Variants in SHCBP1L observed in about 807,000 individuals in gnomAD.
SHCBP1L encodes SHC binding and spindle associated 1 like, also known as testicular spindle-associated protein SHCBP1L.
Under a neutral mutation model 62.5 loss-of-function variants are expected in SHCBP1L, and 67 were observed. The ratio of observed to expected loss-of-function variants is 1.07; its 90% confidence interval spans 0.88 to 1.31. The LOEUF (loss-of-function observed/expected upper bound fraction) is 1.31. Ranked by LOEUF, SHCBP1L falls within the 40% of genes most tolerant of loss-of-function variation. The pLI, the probability that SHCBP1L is intolerant of heterozygous loss-of-function variation, is 0.00. For missense variants in SHCBP1L, 823 were observed against 809.8 expected (o/e 1.02, Z -0.20); for synonymous variants, 284 against 289.4 (o/e 0.98, Z 0.19).
intron 1 of SHCBP1L, chr1:182,951,846 T>C (rs73033576): frequency 0.011 from 3,493 of 314,214 alleles, 124 homozygotes; most frequent in African/African-American, 0.075. Context: ...TTATCAGATA[T>C]GTATTTTCTA....
intron 5 of SHCBP1L, among the ~76,000 whole-genome samples, chr1:182,932,284 A>G (rs944229417): frequency 2.0e-5 from 3 of 152,132 alleles, no homozygotes; most frequent in Admixed American, 6.5e-5. Flanking sequence ...GTGTGAACAT[A>G]AGTTTCCAAC....
intron 6 of SHCBP1L, among the ~76,000 whole-genome samples, chr1:182,910,538 G>A (rs942761828): frequency 1.2e-4 from 18 of 152,214 alleles, no homozygotes; most frequent in South Asian, 8.3e-4. Context: ...GATGCCTAGC[G>A]CAAAGAACAC....
intron 2 of SHCBP1L, among the ~76,000 whole-genome samples, chr1:182,948,428 C>T (rs1235302276): frequency 6.6e-6 from 1 of 152,174 alleles, no homozygotes; most frequent in African/African-American, 2.4e-5. Flanking sequence ...AGGGGACTGC[C>T]TTTTTAGCCT....
intron 6 of SHCBP1L, among the ~76,000 whole-genome samples, chr1:182,925,660 A>G (rs572829090): frequency 1.3e-5 from 2 of 152,362 alleles, no homozygotes; most frequent in Admixed American, 6.5e-5. Flanking sequence ...CAGTTTGGCA[A>G]TTCCTCATAA....
intron 9 of SHCBP1L, among the ~76,000 whole-genome samples, chr1:182,901,050 A>G (rs1649817969): frequency 1.3e-5 from 2 of 152,214 alleles, no homozygotes. Flanking sequence ...TGGAGAAAAT[A>G]AGGTAATGTG....
chr1:182,915,996 C>A (rs892864122), intron 6 of SHCBP1L, among the ~76,000 whole-genome samples: 2 of 151,878 alleles, frequency 1.3e-5, no homozygotes, highest in Non-Finnish European at 2.9e-5. Flanking sequence ...TTAGTGGAGA[C>A]GGGGTTTCAC....
chr1:182,934,446 G>A (rs1318781321), intron 5 of SHCBP1L, among the ~76,000 whole-genome samples: 1 of 152,106 alleles, frequency 6.6e-6, no homozygotes, highest in East Asian at 1.9e-4. Context: ...GACAAATGAG[G>A]TTGAGCATCT....
intron 6 of SHCBP1L, among the ~76,000 whole-genome samples, chr1:182,919,111 C>T (rs1378907717): frequency 6.6e-6 from 1 of 152,142 alleles, no homozygotes; most frequent in Admixed American, 6.5e-5. Flanking sequence ...AGGTATGACA[C>T]AAAAGCATGA....
intron 6 of SHCBP1L, among the ~76,000 whole-genome samples, chr1:182,912,592 G>A (rs1426740562): frequency 6.6e-6 from 1 of 151,530 alleles, no homozygotes; most frequent in Non-Finnish European, 1.5e-5. Context: ...GCGCAATCTC[G>A]GTTCATTGCA....
chr1:182,924,765 AAAG>A lies in SHCBP1L; in HGVS notation c.1182+4879_1182+4881del, dbSNP rs1650645681. 1.8e-5 allele frequency among the ~76,000 whole-genome samples: 2 copies of A among 111,514 alleles called. 1 individual carries two copies. Among genetic ancestry groups the A allele is most frequent in the African/African-American group, 1.2e-4 (2 of 16,926 alleles). 73.2% of individuals were successfully genotyped at this position (111,514 alleles called of 152,430 possible). On this transcript the variant is annotated intron_variant, in intron 6 of 9. Coordinates refer to ENST00000367547, the MANE Select transcript of SHCBP1L (RefSeq NM_030933.4). ...GAAAGAAAGAAAGAAAGAAAGAAAG[AAAG>A]AAAGAAAGAAAGAAAGAAAGAGAGA...
intron 2 of SHCBP1L, among the ~76,000 whole-genome samples, chr1:182,949,553 C>T (rs1051602812): frequency 7.9e-5 from 12 of 151,704 alleles, no homozygotes; most frequent in African/African-American, 2.9e-4. Context: ...AAAAATTAGC[C>T]GGGTGTGGTG....
rs116127731 is a variant in SHCBP1L at position 182,936,065 on chromosome 1, C to A, written c.1076+3111G>T. Among the ~76,000 whole-genome samples, 1,466 of 151,118 alleles carry A rather than the reference C, an allele frequency of 9.7e-3. 27 individuals are homozygous for A. The highest frequency in any genetic ancestry group is 0.02 in the Middle Eastern group (6 of 294). On this transcript the variant is annotated intron_variant, in intron 5 of 9. Coordinates refer to ENST00000367547, the MANE Select transcript of SHCBP1L (RefSeq NM_030933.4). ...CTATTAATACAGAGGTTGCACTTGT[C>A]CTTTGTTTCCTTTTTCCCTTTCTTT... is the stretch of plus-strand genomic sequence containing the variant.
chr1:182,952,641 C>G, intron 1 of SHCBP1L, 88 bp downstream of exon 1: 2 of 1,439,142 alleles, frequency 1.4e-6, no homozygotes, highest in Non-Finnish European at 1.9e-6. Flanking sequence ...CTGTGGATCC[C>G]CATCCGCCTA....
intron 2 of SHCBP1L, among the ~76,000 whole-genome samples, chr1:182,947,888 G>A (rs1270587033): frequency 6.6e-6 from 1 of 152,076 alleles, no homozygotes; most frequent in African/African-American, 2.4e-5. Context: ...TGTTGCCCAG[G>A]TTAGTCTCAA....
At chr1:182,908,190 G>A (rs1463823732) in intron 6 of SHCBP1L, among the ~76,000 whole-genome samples, 1 of 137,950 alleles carries the variant, frequency 7.2e-6, no homozygotes, top group Non-Finnish European at 1.6e-5. Context: ...CATGTGCAGG[G>A]TTTACTATGT....
At chr1:182,944,962 T>C (rs999256367) in intron 2 of SHCBP1L, among the ~76,000 whole-genome samples, 54 of 144,120 alleles carry the variant, frequency 3.7e-4, no homozygotes, top group African/African-American at 1.2e-3. Context: ...TCTTTCTTTT[T>C]TTTTTTTTTT....
intron 5 of SHCBP1L, among the ~76,000 whole-genome samples, chr1:182,931,737 G>C (rs748143179): frequency 1.3e-5 from 2 of 151,984 alleles, no homozygotes; most frequent in Non-Finnish European, 1.5e-5. Flanking sequence ...TGGTACACTC[G>C]TTACAACCGA....
At chr1:182,922,458 G>C (rs2101934042) in intron 6 of SHCBP1L, among the ~76,000 whole-genome samples, 1 of 151,972 alleles carries the variant, frequency 6.6e-6, no homozygotes, top group Admixed American at 6.6e-5. Context: ...GGAGGCCAAG[G>C]CAGGAGAATC....
At chr1:182,918,308 C>A (rs1187365791) in intron 6 of SHCBP1L, among the ~76,000 whole-genome samples, 1 of 150,490 alleles carries the variant, frequency 6.6e-6, no homozygotes. Context: ...ACAAATTCAG[C>A]AAAGTTGAAG....
Sources: gnomAD v4.1 joint callset for allele counts (sites outside exome capture counted in the v4.1 genomes callset) on GRCh38, gnomAD v4.1.1 for gene constraint, MANE v1.5 for transcripts, NCBI Gene and HGNC (gene_info 2026-07-23, HGNC 2026-07-21) for gene names.